Variants in TSNARE1 observed in about 807,000 individuals in gnomAD.
TSNARE1 encodes the protein t-SNARE domain containing 1, also known as t-SNARE domain-containing protein 1.
In TSNARE1, 49 loss-of-function variants were observed where a neutral mutation model predicts 62.0. The observed-to-expected ratio is 0.79, with a 90% CI of 0.63 to 1.00. The LOEUF is 1.00. TSNARE1 is among the 50% of genes least tolerant of loss of function. The pLI, the probability that TSNARE1 is intolerant of heterozygous loss-of-function variation, is 0.00. For missense variants in TSNARE1, 755 were observed against 700.1 expected (o/e 1.08, Z -0.88); for synonymous variants, 328 against 294.4 (o/e 1.11, Z -1.17).
At chr8:142,271,347 C>T (rs1819518501) in intron 12 of TSNARE1, 1 of 1,188,822 alleles carries the variant, frequency 8.4e-7, no homozygotes, top group Middle Eastern at 3.3e-4. Context: ...TTTTGCTGGG[C>T]CATGAGTGTG....
In TSNARE1 at chr8:142,296,544, C is replaced by G. The variant is rs552675096; in HGVS notation, c.1290+3942G>C. 6.7e-4 allele frequency among the ~76,000 whole-genome samples: 102 copies of G among 152,040 alleles called. 1 individual carries two copies. The East Asian group carries it at 0.014, about 21-fold the overall frequency. On this transcript the variant is annotated intron_variant, in intron 10 of 13. Coordinates refer to ENST00000524325, the MANE Select transcript of TSNARE1 (RefSeq NM_145003.5). ...GTCGGTTCCACAAGTACTGGCAAGTCGCTGTGGAGCCCACTACTCCAGGCT... is the reference window on the plus strand; with the variant it reads ...GTCGGTTCCACAAGTACTGGCAAGTGGCTGTGGAGCCCACTACTCCAGGCT...
chr8:142,401,366 G>C (rs747394544), intron 1 of TSNARE1, among the ~76,000 whole-genome samples: 6 of 151,272 alleles, frequency 4.0e-5, no homozygotes, highest in Non-Finnish European at 8.8e-5. Flanking sequence ...CAAGCAGAAG[G>C]CTCTGCATCG....
chr8:142,292,452 G>A (rs562207876), intron 10 of TSNARE1, among the ~76,000 whole-genome samples: 33 of 152,312 alleles, frequency 2.2e-4, no homozygotes, highest in Non-Finnish European at 7.4e-5. Flanking sequence ...GGACGAGGGA[G>A]ACGTGAGGGT....
intron 13 of TSNARE1, among the ~76,000 whole-genome samples, chr8:142,228,796 G>C (rs998163081): frequency 2.6e-4 from 40 of 152,364 alleles, no homozygotes; most frequent in Non-Finnish European, 5.7e-4. Context: ...TGCAAGGAAG[G>C]AAGGATGGAA....
intron 11 of TSNARE1, among the ~76,000 whole-genome samples, chr8:142,280,706 C>A (rs142115797): frequency 2.6e-5 from 4 of 152,162 alleles, no homozygotes; most frequent in Admixed American, 1.3e-4. Flanking sequence ...GTGGACAAAG[C>A]GCTCCACAGA....
chr8:142,278,228 T>C (rs1378246625), intron 11 of TSNARE1: 4 of 985,362 alleles, frequency 4.1e-6, no homozygotes, highest in Non-Finnish European at 3.6e-6. Context: ...TGGGTCTACA[T>C]GCGTCTCCCA....
chr8:142,287,891 G>C (rs1411480178), intron 10 of TSNARE1, among the ~76,000 whole-genome samples: 3 of 152,132 alleles, frequency 2.0e-5, no homozygotes, highest in Non-Finnish European at 4.4e-5. Flanking sequence ...CCAGATCTCA[G>C]GGACAGTGGG....
chr8:142,398,624 G>A (rs1393659298), intron 1 of TSNARE1, among the ~76,000 whole-genome samples: 4 of 152,158 alleles, frequency 2.6e-5, no homozygotes, highest in East Asian at 1.9e-4. Flanking sequence ...AGCAGTGTCC[G>A]GAGCAAGGCC....
At chr8:142,359,076 C>T (rs1182979214) in intron 1 of TSNARE1, among the ~76,000 whole-genome samples, 3 of 152,084 alleles carry the variant, frequency 2.0e-5, no homozygotes, top group African/African-American at 7.3e-5. Flanking sequence ...TGCCTCCCAC[C>T]TCTGTGCCTT....
chr8:142,229,223 G>GGATGGATGGAT (rs1816980171), intron 13 of TSNARE1, among the ~76,000 whole-genome samples: 1 of 151,536 alleles, frequency 6.6e-6, no homozygotes, highest in African/African-American at 2.4e-5. Flanking sequence ...GATGGTGGGT[G>GGATGGATGGAT]GATGGATGGA....
At chr8:142,307,198 C>T (rs764426136) in intron 9 of TSNARE1, among the ~76,000 whole-genome samples, 1 of 152,238 alleles carries the variant, frequency 6.6e-6, no homozygotes, top group Non-Finnish European at 1.5e-5. Flanking sequence ...TCAGCTTGGA[C>T]TCAGCGTTAT....
intron 11 of TSNARE1, among the ~76,000 whole-genome samples, chr8:142,279,600 C>T (rs1398007192): frequency 6.6e-6 from 1 of 152,240 alleles, no homozygotes; most frequent in Non-Finnish European, 1.5e-5. Context: ...CTTGGCAATG[C>T]AGGGAGGACC....
chr8:142,357,473 G>A (rs1227247404), intron 1 of TSNARE1, among the ~76,000 whole-genome samples: 1 of 152,216 alleles, frequency 6.6e-6, no homozygotes, highest in Non-Finnish European at 1.5e-5. Flanking sequence ...TCTACTTCAG[G>A]ATTGGGAGCA....
At chr8:142,396,431 A>G (rs1837902664) in intron 1 of TSNARE1, among the ~76,000 whole-genome samples, 1 of 151,996 alleles carries the variant, frequency 6.6e-6, no homozygotes, top group Non-Finnish European at 1.5e-5. Flanking sequence ...CTCAACCTCC[A>G]TACCTGGATT....
At chr8:142,339,282 C>T (rs145469027) in intron 4 of TSNARE1, among the ~76,000 whole-genome samples, 5 of 152,216 alleles carry the variant, frequency 3.3e-5, no homozygotes, top group Admixed American at 1.3e-4. Flanking sequence ...GAATCGGATG[C>T]GGCTCAAAGC....
At chr8:142,390,466 C>A (rs1345491275) in intron 1 of TSNARE1, among the ~76,000 whole-genome samples, 37 of 61,432 alleles carry the variant, frequency 6.0e-4, no homozygotes, top group Non-Finnish European at 8.1e-4. Flanking sequence ...CCGTAACAGA[C>A]GCTGTACACT....
chr8:142,235,414 G>A (rs1310334732), intron 12 of TSNARE1, among the ~76,000 whole-genome samples: 1 of 38,148 alleles, frequency 2.6e-5, no homozygotes, highest in African/African-American at 1.0e-4. Flanking sequence ...CCTACCCCCG[G>A]CCCCTTCCTC....
intron 12 of TSNARE1, among the ~76,000 whole-genome samples, chr8:142,248,722 A>C (rs557887226): frequency 4.3e-4 from 66 of 152,026 alleles, no homozygotes; most frequent in Non-Finnish European, 7.8e-4. Context: ...GAGGGGAAGC[A>C]GGGCATCCTG....
chr8:142,274,324 T>C (rs2130589870), intron 12 of TSNARE1: 1 of 985,398 alleles, frequency 1.0e-6, no homozygotes, highest in Non-Finnish European at 1.2e-6. Flanking sequence ...GTCCTCAAGG[T>C]AGCTCCAAGT....
Sources: gnomAD v4.1 joint callset for allele counts (sites outside exome capture counted in the v4.1 genomes callset) on GRCh38, gnomAD v4.1.1 for gene constraint, MANE v1.5 for transcripts, NCBI Gene and HGNC (gene_info 2026-07-23, HGNC 2026-07-21) for gene names.